WDR17: variants seen among roughly 807,000 people sequenced by gnomAD.
WDR17 encodes the protein WD repeat-containing protein 17.
A neutral mutation model predicts 161.7 loss-of-function variants in WDR17; 143 were observed. The observed-to-expected ratio is 0.88, with a 90% CI of 0.77 to 1.02. The LOEUF (loss-of-function observed/expected upper bound fraction) is 1.02, where lower values mean the gene tolerates loss of function less well. WDR17 is among the 50% of genes least tolerant of loss of function. The pLI is 0.00. For synonymous variants in WDR17, 517 were observed against 515.6 expected, an observed-to-expected ratio of 1.00 and a Z score of -0.04; for missense variants, 1,469 against 1,520.9, an observed-to-expected ratio of 0.97 and a Z score of 0.57.
chr4:176,159,852 T>A, intron 18 of WDR17, 142 bp from the exon 19 acceptor site: 1 of 696,480 alleles, frequency 1.4e-6, no homozygotes, highest in Non-Finnish European at 2.2e-6. Context: ...AATTTGATTA[T>A]AAAATGTCTT....
intron 15 of WDR17, 122 bp downstream of exon 15, chr4:176,150,295 C>T: frequency 6.8e-7 from 1 of 1,477,032 alleles, no homozygotes; most frequent in Non-Finnish European, 9.1e-7. Flanking sequence ...TTACCATAAT[C>T]TGTGCACTAT....
intron 1 of WDR17, among the ~76,000 whole-genome samples, chr4:176,076,759 A>G (rs527376973): frequency 1.3e-5 from 2 of 151,914 alleles, no homozygotes; most frequent in African/African-American, 4.8e-5. Flanking sequence ...AGCTGATAGT[A>G]TGTTCATTCC....
At chr4:176,147,394 A>G (rs1038024637) in intron 12 of WDR17, among the ~76,000 whole-genome samples, 10 of 152,356 alleles carry the variant, frequency 6.6e-5, no homozygotes, top group South Asian at 4.1e-4. Context: ...ACATTTGTAC[A>G]ATCAATAGAT....
intron 1 of WDR17, among the ~76,000 whole-genome samples, chr4:176,103,157 T>C (rs1474029690): frequency 6.6e-6 from 1 of 152,128 alleles, no homozygotes; most frequent in Non-Finnish European, 1.5e-5. Flanking sequence ...TTAAAGCCTA[T>C]GCAATTCAAA....
rs1444779546 is a variant in WDR17, at chr4:176,115,808, T to G, written c.136T>G (p.Tyr46Asp). The change falls in exon 3 of 29, where the codon TAT (tyrosine) becomes GAT (aspartate). Residue 46 changes from tyrosine to aspartate, a missense_variant. Transcript: ENST00000508596. ...TATTTTGTTTTAGTTGGATCACCGT[T>G]ATAATGAATTCAAACTTCACGCAAT... ...AIYIYQLDHR[Y>D]NEFKLHAIMS... 6.2e-7 allele frequency: 1 copy of G among 1,604,738 alleles called. No homozygotes were observed. Among genetic ancestry groups the G allele is most frequent in the Non-Finnish European group, 8.5e-7 (1 of 1,175,488 alleles).
At chr4:176,091,968 T>C (rs954103396) in intron 1 of WDR17, among the ~76,000 whole-genome samples, 1 of 152,010 alleles carries the variant, frequency 6.6e-6, no homozygotes, top group Non-Finnish European at 1.5e-5. Flanking sequence ...AAGTCTCCCA[T>C]CAGGAAAATT....
rs1326681538 is a variant in WDR17 at position 176,148,178 on chromosome 4, T to C, written c.1740T>C (p.Ile580=). 6.2e-7 allele frequency: 1 copy of C among 1,613,906 alleles called. No homozygotes were observed. Among genetic ancestry groups the C allele is most frequent in the African/African-American group, 1.3e-5 (1 of 74,916 alleles). ...ATACTCAGGATGCTTGCATCAATAT[T>C]CTTAATGGACACACTGCACCTGTGA... ...WDYTQDACIN[I]LNGHTAPVRG... Residue 580 remains isoleucine (I), a synonymous_variant, in exon 13 of 29, where the codon ATT becomes ATC. Transcript: ENST00000508596.
In WDR17 at chr4:176,179,535, C is replaced by A. The variant is rs1226105072; in HGVS notation, c.3808C>A (p.Pro1270Thr). ...NDALMWAKVN[P>T]FSPLGTGIRL... ...TGCTTTGATGTGGGCAAAGGTGAAT[C>A]CATTCTCACCTTTAGGGACTGGAAT... Residue 1270 changes from proline to threonine, a missense_variant, in exon 29 of 29, where the codon CCA (proline) becomes ACA (threonine). Coordinates refer to ENST00000508596, the MANE Select transcript of WDR17 (RefSeq NM_181265.4). 1 of 1,604,752 alleles carries A rather than the reference C, an allele frequency of 6.2e-7. No individual in the cohort carries two copies. The highest frequency in any genetic ancestry group is 1.7e-5 in the Admixed American group (1 of 59,260).
chr4:176,148,136 C>T lies in WDR17; in HGVS notation c.1698C>T (p.Thr566=), dbSNP rs201189999. The part of the protein sequence containing the change: ...GILCSGSDDG[T]VRIWDYTQDA... ...ACCCATAATATTCTGTTTTCAGTAC[C>T]GTTCGAATCTGGGATTATACTCAGG... The change falls in exon 13 of 29, where the codon ACC becomes ACT. Residue 566 remains threonine, a synonymous_variant. Coordinates refer to ENST00000508596, the MANE Select transcript of WDR17 (RefSeq NM_181265.4). 1.5e-5 allele frequency: 24 copies of T among 1,613,338 alleles called. No homozygotes were observed. Among genetic ancestry groups the T allele is most frequent in the Admixed American group, 1.3e-4 (8 of 59,968 alleles).
intron 1 of WDR17, among the ~76,000 whole-genome samples, chr4:176,101,420 CA>C (rs2126660834): frequency 6.6e-6 from 1 of 152,076 alleles, no homozygotes; most frequent in South Asian, 2.1e-4. Context: ...ACATGATAAA[CA>C]AAAGGCAAAA....
Position 176,173,345 on chromosome 4 carries a change from A to G in WDR17, c.3323A>G (p.Lys1108Arg). ...CTACTGAGCTATATTCGTACTGAAA[A>G]ATTACTCTTGCATACGTGTACTGAG... ...LDLLSYIRTE[K>R]LLLHTCTEAR... The change falls in exon 25 of 29, where the codon AAA (lysine) becomes AGA (arginine). Residue 1108 changes from lysine (K) to arginine (R), a missense_variant. Coordinates refer to ENST00000508596, the MANE Select transcript of WDR17 (RefSeq NM_181265.4). The G allele has an allele frequency of 2.5e-6, 4 of 1,612,712 alleles. No homozygotes were observed. Among genetic ancestry groups the G allele is most frequent in the Non-Finnish European group, 3.4e-6 (4 of 1,179,432 alleles).
intron 3 of WDR17, 58 bp downstream of exon 3, chr4:176,116,037 C>T (rs1265345632): frequency 4.8e-6 from 7 of 1,469,736 alleles, no homozygotes; most frequent in Non-Finnish European, 5.5e-6. Flanking sequence ...TCAACAAGCA[C>T]TATCAATATT....
intron 7 of WDR17, 134 bp from the exon 8 acceptor site, chr4:176,134,974 T>C (rs974077554): frequency 2.5e-5 from 20 of 813,058 alleles, no homozygotes; most frequent in Non-Finnish European, 3.7e-5. Context: ...TTTTCTGTTT[T>C]TCTTGCCTAT....
chr4:176,111,491 G>C, intron 1 of WDR17, 84 bp from the exon 2 acceptor site: 3 of 1,469,288 alleles, frequency 2.0e-6, no homozygotes, highest in Non-Finnish European at 2.8e-6. Flanking sequence ...ACACAGGTAA[G>C]GGTTGGGGAA....
rs1423650572 is a variant in WDR17 at position 176,181,033 on chromosome 4, T to C, written c.*1454T>C. ...ATAACTAGAATACTTGTGGCTTTTATTATCTTTAAACTTGTTGCATTTAAA... is the reference window on the plus strand; with the variant it reads ...ATAACTAGAATACTTGTGGCTTTTACTATCTTTAAACTTGTTGCATTTAAA... On this transcript the variant is annotated 3_prime_UTR_variant, in exon 29 of 29. Transcript: ENST00000508596. 5 of 152,162 alleles carry C rather than the reference T, an allele frequency of 3.3e-5. No homozygotes were observed. The highest frequency in any genetic ancestry group is 6.5e-5 in the Admixed American group (1 of 15,278). The allele number at this position is 152,162 out of a possible 1,614,324, so 9.4% of individuals were successfully genotyped here.
At chr4:176,079,485 C>G (rs534893957) in intron 1 of WDR17, among the ~76,000 whole-genome samples, 1 of 152,174 alleles carries the variant, frequency 6.6e-6, no homozygotes, top group Non-Finnish European at 1.5e-5. Context: ...GTCTCTATTT[C>G]TTAATGCTTT....
intron 18 of WDR17, among the ~76,000 whole-genome samples, chr4:176,156,589 C>G (rs1387119928): frequency 6.6e-6 from 1 of 151,456 alleles, no homozygotes; most frequent in East Asian, 1.9e-4. Flanking sequence ...GGTCTGACCA[C>G]TGAGGAAATT....
At chr4:176,118,553 CACAA>C (rs928154247) in intron 3 of WDR17, among the ~76,000 whole-genome samples, 16 of 152,112 alleles carry the variant, frequency 1.1e-4, no homozygotes, top group Non-Finnish European at 1.9e-4. Flanking sequence ...AGACTGTTAA[CACAA>C]ACTAAACTTA....
intron 9 of WDR17, among the ~76,000 whole-genome samples, chr4:176,139,662 T>G (rs990709820): frequency 6.6e-6 from 1 of 152,010 alleles, no homozygotes; most frequent in African/African-American, 2.4e-5. Context: ...TGGAGCCACC[T>G]GATTTATGTC....
Sources: gnomAD v4.1 joint callset for allele counts (sites outside exome capture counted in the v4.1 genomes callset) on GRCh38, gnomAD v4.1.1 for gene constraint, MANE v1.5 for transcripts, NCBI Gene and HGNC (gene_info 2026-07-23, HGNC 2026-07-21) for gene names.